Variants in ABCB1 observed in about 807,000 individuals in gnomAD.
ABCB1 encodes the protein ATP-dependent translocase ABCB1.
A neutral mutation model predicts 142.0 loss-of-function variants in ABCB1; 69 were observed. The ratio of observed to expected loss-of-function variants is 0.49; its 90% CI spans 0.40 to 0.59. The LOEUF is 0.59. Ranked by LOEUF, ABCB1 falls within the 20% of genes least tolerant of loss-of-function variation. The probability of loss-of-function intolerance (pLI) is 0.00; values close to 1 mark genes in which losing one functional copy is unlikely to be tolerated. For missense variants in ABCB1, 1,326 were observed against 1,554.7 expected (o/e 0.85, Z 2.47); for synonymous variants, 532 against 539.2 (o/e 0.99, Z 0.18).
In ABCB1 at chr7:87,544,741, C is replaced by T. The variant is rs188272506; in HGVS notation, c.2064+82G>A. ...GATTCTGGATAACCTCTCTTGTTCC[C>T]ACTCCTACTGTAGCCCTAGCCCACC... On this transcript the variant is annotated intron_variant, in intron 16 of 27. Transcript: ENST00000622132. The T allele has an allele frequency of 4.4e-5, 61 of 1,382,010 alleles. No homozygotes were observed. In the East Asian group the frequency reaches 1.3e-3, roughly 30 times the overall value. 85.6% of individuals were successfully genotyped at this position (1,382,010 alleles called of 1,614,324 possible). A position where few individuals can be genotyped will look rare whatever the true frequency, so the allele number is the denominator to read the frequency against.
intron 8 of ABCB1, 50 bp from the exon 9 acceptor site, chr7:87,553,982 C>T (rs199851280): frequency 1.1e-5 from 17 of 1,525,558 alleles, no homozygotes; most frequent in African/African-American, 1.4e-5. Flanking sequence ...GAAAACATGT[C>T]GATATAGCAT....
intron 1 of ABCB1, among the ~76,000 whole-genome samples, chr7:87,704,306 A>G (rs1394412139): frequency 6.6e-6 from 1 of 152,196 alleles, no homozygotes; most frequent in Non-Finnish European, 1.5e-5. Context: ...GTTAAAGATT[A>G]GCTGTAATTT....
At chr7:87,581,281 A>G (rs770664624) in intron 4 of ABCB1, among the ~76,000 whole-genome samples, 27 of 151,896 alleles carry the variant, frequency 1.8e-4, no homozygotes, top group Non-Finnish European at 2.6e-4. Flanking sequence ...TTATGCCAAG[A>G]TTTAGTGTCA....
intron 1 of ABCB1, among the ~76,000 whole-genome samples, chr7:87,666,274 C>G (rs968820201): frequency 6.6e-6 from 1 of 151,872 alleles, no homozygotes; most frequent in Non-Finnish European, 1.5e-5. Context: ...GCTTGTGGGC[C>G]GTGTGTATGC....
chr7:87,705,613 A>T (rs1396143618), intron 1 of ABCB1, among the ~76,000 whole-genome samples: 1 of 152,154 alleles, frequency 6.6e-6, no homozygotes, highest in African/African-American at 2.4e-5. Flanking sequence ...TATTTCTGTC[A>T]TATGCAGGTG....
intron 5 of ABCB1, among the ~76,000 whole-genome samples, chr7:87,568,603 A>T (rs771734175): frequency 6.6e-6 from 1 of 152,210 alleles, no homozygotes; most frequent in African/African-American, 2.4e-5. Flanking sequence ...TAACAAGCAG[A>T]CAGTCTCTGA....
intron 9 of ABCB1, 90 bp downstream of exon 9, chr7:87,553,671 C>A: frequency 7.1e-7 from 1 of 1,407,086 alleles, no homozygotes; most frequent in South Asian, 1.2e-5. Context: ...AACAGTTGTT[C>A]AAAATATATT....
chr7:87,504,737 A>G (rs577925778), intron 27 of ABCB1, among the ~76,000 whole-genome samples: 19 of 151,272 alleles, frequency 1.3e-4, no homozygotes, highest in East Asian at 6.0e-4. Context: ...CCCGGGAGGC[A>G]GAGCTTGCAG....
chr7:87,563,540 A>G (rs1817660897), intron 7 of ABCB1, among the ~76,000 whole-genome samples: 1 of 152,260 alleles, frequency 6.6e-6, no homozygotes, highest in South Asian at 2.1e-4. Context: ...GATTCATCAC[A>G]TAAACAAAAG....
At chr7:87,682,968 C>T (rs1827073903) in intron 1 of ABCB1, among the ~76,000 whole-genome samples, 1 of 152,180 alleles carries the variant, frequency 6.6e-6, no homozygotes, top group Non-Finnish European at 1.5e-5. Flanking sequence ...TTAGTGTAGC[C>T]ACCTTCATCA....
chr7:87,505,274 A>C (rs1472094163), intron 27 of ABCB1, among the ~76,000 whole-genome samples: 1 of 152,190 alleles, frequency 6.6e-6, no homozygotes, highest in Admixed American at 6.5e-5. Context: ...GCCGGCCAGC[A>C]GTCATCTACT....
At position 87,549,417 on chromosome 7, in the gene ABCB1, G is replaced by C. The variant is rs201739562; in HGVS notation, c.1656C>G (p.Leu552=). Residue 552 remains leucine, a synonymous_variant, in exon 14 of 28, where the codon CTC becomes CTG. Coordinates refer to ENST00000622132, the MANE Select transcript of ABCB1 (RefSeq NM_001348946.2). ...ARALVRNPKI[L]LLDEATSALD... ...AGGCTGACGTGGCCTCATCCAGCAG[G>C]AGGATCTTGGGGTTGCGAACCAGGG... The C allele has an allele frequency of 1.3e-5, 21 of 1,614,060 alleles. No individual in the cohort carries two copies. The highest frequency in any genetic ancestry group is 1.7e-5 in the Non-Finnish European group (20 of 1,180,040).
intron 1 of ABCB1, among the ~76,000 whole-genome samples, chr7:87,621,065 G>T (rs1229156181): frequency 6.6e-6 from 1 of 151,990 alleles, no homozygotes; most frequent in East Asian, 1.9e-4. Flanking sequence ...GCAAATATTG[G>T]GAAGATGTTA....
At chr7:87,665,677 C>G (rs112961396) in intron 1 of ABCB1, among the ~76,000 whole-genome samples, 2,080 of 151,990 alleles carry the variant, frequency 0.014, 41 homozygotes, top group African/African-American at 0.047. Context: ...AGTTTTTGAT[C>G]CTCTCCTTCC....
chr7:87,604,108 A>T (rs563642493), upstream of ABCB1, among the ~76,000 whole-genome samples: 7 of 152,270 alleles, frequency 4.6e-5, no homozygotes, highest in African/African-American at 1.7e-4. Flanking sequence ...TATTAACAAC[A>T]CATTTATAGA....
At chr7:87,601,371 C>G (rs1044327232), upstream of ABCB1, among the ~76,000 whole-genome samples, 20 of 152,068 alleles carry the variant, frequency 1.3e-4, no homozygotes, top group Non-Finnish European at 7.4e-5. Context: ...ATCTGTTCAT[C>G]CTTTATTTGA....
At chr7:87,544,476 T>G (rs1391929754) in intron 16 of ABCB1, among the ~76,000 whole-genome samples, 1 of 152,228 alleles carries the variant, frequency 6.6e-6, no homozygotes, top group African/African-American at 2.4e-5. Context: ...GCTACAATAC[T>G]CCTTTATTTT....
At chr7:87,545,527 A>G (rs1816738500) in intron 15 of ABCB1, among the ~76,000 whole-genome samples, 1 of 152,244 alleles carries the variant, frequency 6.6e-6, no homozygotes, top group African/African-American at 2.4e-5. Context: ...CATTTTTTGT[A>G]CTAAGTCTTC....
At chr7:87,558,446 A>G (rs902866990) in intron 8 of ABCB1, among the ~76,000 whole-genome samples, 2 of 152,200 alleles carry the variant, frequency 1.3e-5, no homozygotes, top group African/African-American at 4.8e-5. Context: ...ATTTCTGTGT[A>G]GACAATCTTA....
Sources: gnomAD v4.1 joint callset for allele counts (sites outside exome capture counted in the v4.1 genomes callset) on GRCh38, gnomAD v4.1.1 for gene constraint, MANE v1.5 for transcripts, NCBI Gene and HGNC (gene_info 2026-07-23, HGNC 2026-07-21) for gene names.